The following VWA3B variants were observed in gnomAD, a reference collection of about 807,000 sequenced individuals.
VWA3B encodes the protein von Willebrand factor A domain-containing protein 3B.
VWA3B carries 138 observed loss-of-function variants against 158.3 expected under a neutral mutation model. The ratio of observed to expected loss-of-function variants is 0.87; its 90% CI spans 0.76 to 1.00. VWA3B has a LOEUF of 1.00. VWA3B is among the 50% of genes least tolerant of loss of function. The pLI is 0.00. For synonymous variants in VWA3B, 596 were observed against 587.3 expected, an observed-to-expected ratio of 1.01 and a Z score of -0.21; for missense variants, 1,555 against 1,565.1, an observed-to-expected ratio of 0.99 and a Z score of 0.11.
intron 12 of VWA3B, among the ~76,000 whole-genome samples, chr2:98,207,892 C>T (rs907354994): frequency 1.3e-5 from 2 of 151,874 alleles, no homozygotes; most frequent in East Asian, 1.9e-4. Context: ...ATGTACACCC[C>T]TCAGAAAAAA....
intron 7 of VWA3B, among the ~76,000 whole-genome samples, chr2:98,144,092 G>C (rs11683060): frequency 0.18 from 27,816 of 151,630 alleles, 3,126 homozygotes; most frequent in African/African-American, 0.32. Context: ...TAGGTTGTTA[G>C]GAATATATCT....
At chr2:98,272,539 C>T (rs981650176) in intron 22 of VWA3B, among the ~76,000 whole-genome samples, 1 of 152,150 alleles carries the variant, frequency 6.6e-6, no homozygotes, top group African/African-American at 2.4e-5. Context: ...GATCAACTTA[C>T]CTTCAGCCCC....
At chr2:98,266,226 G>A (rs1207810971) in intron 21 of VWA3B, among the ~76,000 whole-genome samples, 8 of 151,818 alleles carry the variant, frequency 5.3e-5, no homozygotes, top group African/African-American at 1.7e-4. Flanking sequence ...TTTGTATAAG[G>A]TGTAAGGAAG....
chr2:98,111,458 C>A (rs1320860929), intron 2 of VWA3B, among the ~76,000 whole-genome samples: 1 of 152,090 alleles, frequency 6.6e-6, no homozygotes, highest in Admixed American at 6.5e-5. Context: ...TATTTTAATT[C>A]TTAAAGAAAT....
chr2:98,310,779 C>T (rs1558786221), intron 26 of VWA3B, among the ~76,000 whole-genome samples: 1 of 152,196 alleles, frequency 6.6e-6, no homozygotes, highest in Non-Finnish European at 1.5e-5. Context: ...TTGTCTGTGG[C>T]CTCCCAGAAA....
intron 23 of VWA3B, among the ~76,000 whole-genome samples, chr2:98,294,203 CAAAAAAAAAAAAAA>C (rs751689571): frequency 3.6e-5 from 2 of 56,296 alleles, no homozygotes; most frequent in African/African-American, 1.7e-4. Flanking sequence ...CACACACACA[CAAAAAAAAAAAAAA>C]AAAAAAAAAA....
chr2:98,193,053 G>A lies in VWA3B; in HGVS notation c.1605+17G>A, dbSNP rs118162220. On this transcript the variant is annotated intron_variant, in intron 11 of 27. Coordinates refer to ENST00000477737, the MANE Select transcript of VWA3B (RefSeq NM_144992.5). ...TTCATACAGGTTAGATGGAACTGTC[G>A]GTTCATGCATTTGGGGCTTTGTGTA... 9.4e-6 allele frequency: 15 copies of A among 1,598,618 alleles called. No individual in the cohort carries two copies. The highest frequency in any genetic ancestry group is 1.7e-5 in the Admixed American group (1 of 58,796).
chr2:98,135,627 G>A (rs1559562650), intron 7 of VWA3B, among the ~76,000 whole-genome samples: 1 of 152,160 alleles, frequency 6.6e-6, no homozygotes. Context: ...GAGCCACCGC[G>A]CCCGGCCAAA....
intron 10 of VWA3B, among the ~76,000 whole-genome samples, chr2:98,189,330 C>G (rs1179701833): frequency 6.6e-6 from 1 of 152,166 alleles, no homozygotes; most frequent in Non-Finnish European, 1.5e-5. Flanking sequence ...TCGCTTGAAC[C>G]CGGGAGGCGG....
At chr2:98,294,624 A>G (rs1689695067) in intron 23 of VWA3B, among the ~76,000 whole-genome samples, 1 of 152,258 alleles carries the variant, frequency 6.6e-6, no homozygotes, top group Non-Finnish European at 1.5e-5. Context: ...TGAAATCATT[A>G]TTTGTGGAAA....
chr2:98,279,660 C>T (rs990842780), intron 22 of VWA3B, among the ~76,000 whole-genome samples: 2 of 152,194 alleles, frequency 1.3e-5, no homozygotes, highest in Admixed American at 6.5e-5. Context: ...TAGCAGGAAG[C>T]TGTTATCATC....
chr2:98,188,383 A>G (rs113884521), intron 10 of VWA3B, among the ~76,000 whole-genome samples: 53 of 152,224 alleles, frequency 3.5e-4, no homozygotes, highest in African/African-American at 1.1e-3. Flanking sequence ...TAGCTTTTTA[A>G]AAATATACAT....
At chr2:98,299,868 A>T (rs955221333) in intron 24 of VWA3B, among the ~76,000 whole-genome samples, 4 of 152,164 alleles carry the variant, frequency 2.6e-5, no homozygotes, top group Non-Finnish European at 5.9e-5. Flanking sequence ...TCCTACCAAA[A>T]TGGGGCTTCC....
chr2:98,208,012 A>G (rs920156691), intron 12 of VWA3B, among the ~76,000 whole-genome samples: 1 of 152,010 alleles, frequency 6.6e-6, no homozygotes, highest in African/African-American at 2.4e-5. Context: ...TTTCATCTCC[A>G]TCAAATTTTG....
chr2:98,193,801 G>A (rs1186714337), intron 11 of VWA3B, among the ~76,000 whole-genome samples: 4 of 151,982 alleles, frequency 2.6e-5, no homozygotes, highest in African/African-American at 4.8e-5. Flanking sequence ...TGTTAGCCAA[G>A]ATGGTCTCGA....
chr2:98,112,738 G>T (rs188956369), intron 2 of VWA3B, among the ~76,000 whole-genome samples: 12 of 151,010 alleles, frequency 7.9e-5, no homozygotes. Context: ...CTATTTTTAC[G>T]CCCTATCTGT....
In VWA3B at chr2:98,210,221, T is replaced by C. The variant is rs150125772; in HGVS notation, c.1738-1709T>C. Among the ~76,000 whole-genome samples the C allele has an allele frequency of 2.0e-5, 3 of 152,042 alleles. No homozygotes were observed. The East Asian group carries it at 5.8e-4, about 29-fold the overall frequency. On this transcript the variant is annotated intron_variant, in intron 12 of 27. Coordinates refer to ENST00000477737, the MANE Select transcript of VWA3B (RefSeq NM_144992.5). ...TGCTGAATCCTGAACAAGAAAGGAG[T>C]CTGGAGCGTGCAGCATCCTTCTGTG...
intron 8 of VWA3B, among the ~76,000 whole-genome samples, chr2:98,176,584 T>C (rs970406962): frequency 6.6e-6 from 1 of 151,368 alleles, no homozygotes; most frequent in Non-Finnish European, 1.5e-5. Context: ...CCTGTACCAC[T>C]CCCCATGTGG....
chr2:98,092,978 T>C (rs1682453911), intron 1 of VWA3B, 83 bp from the exon 2 acceptor site: 1 of 928,968 alleles, frequency 1.1e-6, no homozygotes, highest in African/African-American at 1.7e-5. Context: ...GGGTGTACTA[T>C]AATTTATGTT....
Sources: gnomAD v4.1 joint callset for allele counts (sites outside exome capture counted in the v4.1 genomes callset) on GRCh38, gnomAD v4.1.1 for gene constraint, MANE v1.5 for transcripts, NCBI Gene and HGNC (gene_info 2026-07-23, HGNC 2026-07-21) for gene names.